The following STX6 variants were observed in gnomAD, a reference collection of about 807,000 sequenced individuals.
STX6 encodes syntaxin-6.
A neutral mutation model predicts 38.0 loss-of-function variants in STX6; 23 were observed. That is an observed-to-expected ratio of 0.60 (90% CI 0.43 to 0.86). STX6 has a LOEUF of 0.86. Among genes scored for constraint, STX6 ranks in the 40% least tolerant of loss-of-function variants. The pLI, the probability that STX6 is intolerant of heterozygous loss-of-function variation, is 0.00. For missense variants in STX6, 274 were observed against 312.9 expected (o/e 0.88, Z 0.94); for synonymous variants, 123 against 107.5 (o/e 1.14, Z -0.89).
intron 1 of STX6, among the ~76,000 whole-genome samples, chr1:181,015,670 CT>C (rs879761357): frequency 4.5e-3 from 644 of 142,142 alleles, no homozygotes; most frequent in Non-Finnish European, 4.8e-3. Flanking sequence ...CCACACAAAT[CT>C]TTTTTTTTTT....
Position 180,990,069 on chromosome 1 carries a change from C to T in STX6, c.404G>A (p.Gly135Glu), listed in dbSNP as rs1308678011. The change falls in exon 5 of 8, where the codon GGA becomes GAA. Residue 135 changes from glycine to glutamate, a missense_variant. Transcript: ENST00000258301. ...CAGACGCCCATATTTATCTGTTGTT[C>T]CAGTGCTCCAGTTCTGGCTGCCACT... ...GDSGSQNWST[G>E]TTDKYGRLDR... 5 of 1,614,132 alleles carry T rather than the reference C, an allele frequency of 3.1e-6. No homozygotes were observed. The highest frequency in any genetic ancestry group is 2.2e-5 in the East Asian group (1 of 44,886).
chr1:181,000,076 G>T (rs187031892), intron 3 of STX6, among the ~76,000 whole-genome samples: 1 of 152,336 alleles, frequency 6.6e-6, no homozygotes, highest in African/African-American at 2.4e-5. Flanking sequence ...CAAAAGCTCA[G>T]TTAGGTACTG....
intron 4 of STX6, among the ~76,000 whole-genome samples, chr1:180,992,462 G>A (rs1655781458): frequency 6.6e-6 from 1 of 152,152 alleles, no homozygotes; most frequent in Admixed American, 6.5e-5. Context: ...CTACTAAATG[G>A]ACAATTCATA....
At chr1:180,996,011 C>T (rs968700230) in intron 3 of STX6, among the ~76,000 whole-genome samples, 2 of 152,056 alleles carry the variant, frequency 1.3e-5, no homozygotes, top group African/African-American at 2.4e-5. Context: ...CTTTTCTGTA[C>T]CGTTATATTT....
chr1:180,998,783 A>G (rs1655988898), intron 3 of STX6, among the ~76,000 whole-genome samples: 1 of 152,258 alleles, frequency 6.6e-6, no homozygotes, highest in Non-Finnish European at 1.5e-5. Flanking sequence ...CTATGTTACT[A>G]AATAGTTTTA....
intron 3 of STX6, among the ~76,000 whole-genome samples, chr1:181,001,805 G>T (rs1656086851): frequency 2.6e-5 from 4 of 152,204 alleles, no homozygotes; most frequent in Admixed American, 2.6e-4. Context: ...ATGGACAAGG[G>T]TCTAATCATT....
chr1:181,013,745 C>G (rs1656475042), intron 1 of STX6, among the ~76,000 whole-genome samples: 1 of 152,198 alleles, frequency 6.6e-6, no homozygotes, highest in Admixed American at 6.5e-5. Flanking sequence ...CACAGCAGAG[C>G]TGACTTGTCC....
At chr1:181,012,033 A>AT (rs1396552235) in intron 1 of STX6, among the ~76,000 whole-genome samples, 3 of 152,240 alleles carry the variant, frequency 2.0e-5, no homozygotes, top group Non-Finnish European at 4.4e-5. Context: ...AATCAGAAAA[A>AT]TTAAAGTTTG....
At chr1:180,989,137 C>T (rs1655674496) in intron 5 of STX6, 1 of 152,118 alleles carries the variant, frequency 6.6e-6, no homozygotes, top group Admixed American at 6.5e-5. Context: ...CAGACATAAT[C>T]AATTTCATTT....
At chr1:180,985,332 T>C (rs1203416681) in intron 6 of STX6, among the ~76,000 whole-genome samples, 1 of 152,228 alleles carries the variant, frequency 6.6e-6, no homozygotes, top group Non-Finnish European at 1.5e-5. Flanking sequence ...CTATAACTCT[T>C]TGGGACTGTT....
rs568191059 is a variant in STX6, at chr1:180,975,955, C to A, written c.*615G>T. The A allele has an allele frequency of 2.6e-5, 4 of 152,466 alleles. No individual in the cohort carries two copies. The South Asian group carries it at 8.3e-4, about 32-fold the overall frequency. 9.4% of individuals were successfully genotyped at this position (152,466 alleles called of 1,614,324 possible). A position where few individuals can be genotyped will look rare whatever the true frequency, so the allele number is the denominator to read the frequency against. The stretch of plus-strand genomic sequence containing the variant: ...ATTATTTTCCATTAGTTATTCTTAC[C>A]ACAAAAAAAAATGACCTGGAAAAGC... On this transcript the variant is annotated 3_prime_UTR_variant, in exon 8 of 8. Transcript: ENST00000258301.
chr1:181,022,546 G>A, intron 1 of STX6, 93 bp downstream of exon 1: 2 of 1,314,760 alleles, frequency 1.5e-6, no homozygotes, highest in South Asian at 2.5e-5. Context: ...GCTCCAACTT[G>A]CCTCCCCTCC....
In STX6 at chr1:180,984,088, A is replaced by AAAC. The variant is rs71121063; in HGVS notation, c.691+586_691+588dup. Reference sequence around the variant, plus strand: ...CAAAAAAAAAAAAAAAAAAAAAAAAAAACACAACGAAAGTGACTCTACTGG... The same window carrying AAAC: ...CAAAAAAAAAAAAAAAAAAAAAAAAAAACAACACAACGAAAGTGACTCTACTGG... On this transcript the variant is annotated intron_variant, in intron 7 of 7. Coordinates refer to ENST00000258301, the MANE Select transcript of STX6 (RefSeq NM_005819.6). Among the ~76,000 whole-genome samples the AAAC allele has an allele frequency of 1.7e-3, 170 of 101,464 alleles. 20 individuals carry two copies. Among genetic ancestry groups the AAAC allele is most frequent in the Non-Finnish European group, 3.1e-3 (126 of 41,130 alleles). 66.6% of individuals were successfully genotyped at this position (101,464 alleles called of 152,430 possible).
At chr1:181,014,264 T>G (rs1472661664) in intron 1 of STX6, among the ~76,000 whole-genome samples, 2 of 152,052 alleles carry the variant, frequency 1.3e-5, no homozygotes, top group East Asian at 3.9e-4. Flanking sequence ...TGTGGTGGCA[T>G]GCACCTGTAA....
chr1:181,021,909 G>C (rs761147872), intron 1 of STX6, among the ~76,000 whole-genome samples: 1 of 152,222 alleles, frequency 6.6e-6, no homozygotes, highest in Non-Finnish European at 1.5e-5. Flanking sequence ...ATTTCCTTTA[G>C]CACTGTGAGA....
At chr1:181,004,769 G>C (rs1013492203) in intron 2 of STX6, among the ~76,000 whole-genome samples, 2 of 151,998 alleles carry the variant, frequency 1.3e-5, no homozygotes, top group African/African-American at 4.8e-5. Context: ...GGGGTCGTGG[G>C]AACTCCAATT....
At chr1:180,998,786 T>C (rs997424080) in intron 3 of STX6, among the ~76,000 whole-genome samples, 13 of 152,264 alleles carry the variant, frequency 8.5e-5, no homozygotes, top group African/African-American at 3.1e-4. Flanking sequence ...TGTTACTAAA[T>C]AGTTTTAAAC....
Position 180,976,591 on chromosome 1 carries a change from G to A in STX6, c.747C>T (p.Leu249=), listed in dbSNP as rs752488477. The A allele has an allele frequency of 6.2e-7, 1 of 1,613,788 alleles. No homozygotes were observed. The highest frequency in any genetic ancestry group is 1.1e-5 in the South Asian group (1 of 91,076). The part of the protein sequence containing the change: ...AILFAVLLVV[L]ILFLVL Reference sequence around the variant, plus strand: ...GCCGTCACAGCACTAAGAAGAGGATGAGCACAACCAACAGGACTGCAAAGA... The same window carrying A: ...GCCGTCACAGCACTAAGAAGAGGATAAGCACAACCAACAGGACTGCAAAGA... Residue 249 remains leucine, a synonymous_variant, in exon 8 of 8, where the codon CTC becomes CTT. Coordinates refer to ENST00000258301, the MANE Select transcript of STX6 (RefSeq NM_005819.6).
At chr1:181,001,904 C>T (rs921355185) in intron 3 of STX6, among the ~76,000 whole-genome samples, 5 of 152,192 alleles carry the variant, frequency 3.3e-5, no homozygotes, top group Admixed American at 2.0e-4. Flanking sequence ...ACAGGCTGGG[C>T]ATGGTGGCTC....
Sources: gnomAD v4.1 joint callset for allele counts (sites outside exome capture counted in the v4.1 genomes callset) on GRCh38, gnomAD v4.1.1 for gene constraint, MANE v1.5 for transcripts, NCBI Gene and HGNC (gene_info 2026-07-23, HGNC 2026-07-21) for gene names.